Variants in PCNX2 observed in about 807,000 individuals in gnomAD.
PCNX2 encodes pecanex 2.
Under a neutral mutation model 223.8 loss-of-function variants are expected in PCNX2, and 168 were observed. The observed-to-expected ratio is 0.75, with a 90% CI of 0.66 to 0.85. The LOEUF is 0.85. Among genes scored for constraint, PCNX2 ranks in the 40% least tolerant of loss-of-function variants. The pLI, the probability that PCNX2 is intolerant of heterozygous loss-of-function variation, is 0.00. For missense variants in PCNX2, 2,507 were observed against 2,675.5 expected, an observed-to-expected ratio of 0.94 and a Z score of 1.39; for synonymous variants, 1,006 against 1,052.6, an observed-to-expected ratio of 0.96 and a Z score of 0.86.
At chr1:233,206,881 C>T (rs1437111541) in intron 13 of PCNX2, among the ~76,000 whole-genome samples, 1 of 151,966 alleles carries the variant, frequency 6.6e-6, no homozygotes, top group African/African-American at 2.4e-5. Flanking sequence ...CATGGTGGCA[C>T]ATGCCTGTAA....
rs371213781 is a variant in PCNX2, at chr1:233,001,706, T to C, written c.4953-25A>G. 6 of 1,512,956 alleles carry C rather than the reference T, an allele frequency of 4.0e-6. No homozygotes were observed. The African/African-American group carries it at 5.5e-5, about 14-fold the overall frequency. 93.7% of individuals were successfully genotyped at this position (1,512,956 alleles called of 1,614,324 possible). A position where few individuals can be genotyped will look rare whatever the true frequency, so the allele number is the denominator to read the frequency against. ...GCTGCAAAACAAAGTCCTATTACTA[T>C]GGAACAAATTTCAGAATCCTGTCAT... On this transcript the variant is annotated intron_variant, in intron 28 of 33. Transcript: ENST00000258229. The surrounding 1 kb of genome is among the most constrained non-coding windows in gnomAD (Gnocchi z 4.2).
In PCNX2 at chr1:233,295,394, T is replaced by TG; in HGVS notation, c.84dup (p.Lys29GlnfsTer58). 6.4e-7 allele frequency: 1 copy of TG among 1,556,178 alleles called. No homozygotes were observed. Among genetic ancestry groups the TG allele is most frequent in the Non-Finnish European group, 8.7e-7 (1 of 1,149,612 alleles). ...TAGAGGTGGCAGCTGTTGGTGAACT[T>TG]GCTCTGCTCCGGGTCGTGGTACCAG... On this transcript the variant is annotated frameshift_variant, in exon 1 of 34. Coordinates refer to ENST00000258229, the MANE Select transcript of PCNX2 (RefSeq NM_014801.4). LOFTEE classifies it high-confidence loss of function. This position sits in a 1 kb window ranked among gnomAD's most constrained non-coding sequence, Gnocchi z 4.1.
At chr1:233,152,057 C>G (rs1353998676) in intron 19 of PCNX2, among the ~76,000 whole-genome samples, 1 of 152,176 alleles carries the variant, frequency 6.6e-6, no homozygotes, top group Non-Finnish European at 1.5e-5. Flanking sequence ...CTTGTGGAGA[C>G]TGACGCAGGA....
chr1:233,317,567 A>C, the PCNX2 span, among the ~76,000 whole-genome samples: 1 of 152,208 alleles, frequency 6.6e-6, no homozygotes, highest in Non-Finnish European at 1.5e-5. Flanking sequence ...CTTGGAAGTT[A>C]CTAATCCAAC....
chr1:233,101,654 A>G (rs1250227065), intron 21 of PCNX2, among the ~76,000 whole-genome samples: 3 of 152,214 alleles, frequency 2.0e-5, no homozygotes, highest in African/African-American at 7.2e-5. Context: ...AGTTAACTCA[A>G]AAAAGGGGGC....
chr1:233,184,602 A>G (rs1335900481), intron 15 of PCNX2, among the ~76,000 whole-genome samples: 4 of 152,092 alleles, frequency 2.6e-5, no homozygotes, highest in African/African-American at 9.7e-5. Context: ...TTAATCAAAC[A>G]TTTCCAACAA....
At chr1:233,005,758 A>G (rs1670262736) in intron 28 of PCNX2, among the ~76,000 whole-genome samples, 1 of 152,194 alleles carries the variant, frequency 6.6e-6, no homozygotes, top group Non-Finnish European at 1.5e-5. Flanking sequence ...CCTGCAGTGC[A>G]TTTCTGTTTT....
At chr1:233,200,729 AAC>A (rs1158027205) in intron 13 of PCNX2, among the ~76,000 whole-genome samples, 2 of 151,964 alleles carry the variant, frequency 1.3e-5, no homozygotes, top group East Asian at 3.9e-4. Flanking sequence ...ACATAAAAAA[AAC>A]ACAGGACAGG....
intron 21 of PCNX2, chr1:233,113,000 A>C: frequency 7.8e-7 from 1 of 1,289,252 alleles, no homozygotes; most frequent in Non-Finnish European, 1.0e-6. Flanking sequence ...TGGATGTGTT[A>C]GGCTGTAAAT....
chr1:233,222,188 C>A (rs375356476), intron 10 of PCNX2, among the ~76,000 whole-genome samples: 3 of 152,148 alleles, frequency 2.0e-5, no homozygotes, highest in East Asian at 3.9e-4. Flanking sequence ...GATTGCCTGG[C>A]ATGCTTGAAA....
intron 1 of PCNX2, among the ~76,000 whole-genome samples, chr1:233,280,218 T>C (rs2103018647): frequency 6.6e-6 from 1 of 152,304 alleles, no homozygotes; most frequent in South Asian, 2.1e-4. Flanking sequence ...TAACAAATAG[T>C]GCTTCAGTGA....
At chr1:233,190,265 AAAGCATCGTT>A (rs1680343506) in intron 15 of PCNX2, among the ~76,000 whole-genome samples, 1 of 152,160 alleles carries the variant, frequency 6.6e-6, no homozygotes, top group African/African-American at 2.4e-5. Context: ...GGCATAAACA[AAAGCATCGTT>A]AAACAAGAAG....
intron 9 of PCNX2, among the ~76,000 whole-genome samples, chr1:233,234,044 T>A (rs1658236367): frequency 6.6e-6 from 1 of 152,174 alleles, no homozygotes; most frequent in Admixed American, 6.5e-5. Flanking sequence ...CACCAGAGCC[T>A]ATTCTAATCA....
chr1:233,252,300 GA>G, intron 7 of PCNX2, 53 bp downstream of exon 7: 1 of 1,554,962 alleles, frequency 6.4e-7, no homozygotes, highest in Non-Finnish European at 8.8e-7. Context: ...TGAGTCCTGA[GA>G]AAGCTGACAG....
chr1:233,075,689 A>G (rs1304493472), intron 23 of PCNX2, among the ~76,000 whole-genome samples: 2 of 146,354 alleles, frequency 1.4e-5, no homozygotes, highest in South Asian at 2.2e-4. Flanking sequence ...ATCTGCAGTT[A>G]GCTTAAAACA....
At chr1:233,289,042 T>G (rs1294329) in intron 1 of PCNX2, 475,919 of 1,256,744 alleles carry the variant, frequency 0.38, 92,272 homozygotes, top group African/African-American at 0.51. Context: ...ATTTTGCTTG[T>G]GAAGACCAAG....
rs756742519 is a variant in PCNX2, at chr1:233,099,427, T to TA, written c.3838-3565dup. ...ATCTGCCCTGAAACATCCTTTTCAG[T>TA]AAAAAAAGCCTAATTAATAAAATAT... On this transcript the variant is annotated intron_variant, in intron 21 of 33. Coordinates refer to ENST00000258229, the MANE Select transcript of PCNX2 (RefSeq NM_014801.4). Among the ~76,000 whole-genome samples, 207 of 152,104 alleles carry TA rather than the reference T, an allele frequency of 1.4e-3. 1 individual carries two copies. Among genetic ancestry groups the TA allele is most frequent in the Non-Finnish European group, 2.0e-3 (137 of 67,972 alleles).
At chr1:233,015,966 G>T (rs1670642816) in intron 27 of PCNX2, among the ~76,000 whole-genome samples, 1 of 151,966 alleles carries the variant, frequency 6.6e-6, no homozygotes, top group African/African-American at 2.4e-5. Flanking sequence ...TCTTTTGCAA[G>T]GAAAATAAAA....
intron 26 of PCNX2, among the ~76,000 whole-genome samples, chr1:233,020,641 A>G (rs534654259): frequency 1.1e-4 from 17 of 152,246 alleles, no homozygotes; most frequent in Non-Finnish European, 2.1e-4. Flanking sequence ...AAGGCCAGTG[A>G]TAAGCGTGTC....
Sources: gnomAD v4.1 joint callset for allele counts (sites outside exome capture counted in the v4.1 genomes callset) on GRCh38, gnomAD v4.1.1 for gene constraint, Gnocchi (gnomAD v3.1) non-coding constraint, MANE v1.5 for transcripts, NCBI Gene and HGNC (gene_info 2026-07-23, HGNC 2026-07-21) for gene names.